Variants in INPP5A observed in about 807,000 individuals in gnomAD.
The protein encoded by INPP5A is 43 kDa inositol polyphosphate 5-phophatase.
INPP5A carries 14 observed loss-of-function variants against 65.2 expected under a neutral mutation model. That is an observed-to-expected ratio of 0.21 (90% confidence interval 0.14 to 0.34). INPP5A has a LOEUF of 0.34. INPP5A is among the 10% of genes least tolerant of loss of function. The pLI, the probability that INPP5A is intolerant of heterozygous loss-of-function variation, is 1.00. For missense variants in INPP5A, 431 were observed against 545.6 expected (o/e 0.79, Z 2.09); for synonymous variants, 207 against 208.3 (o/e 0.99, Z 0.05).
intron 12 of INPP5A, among the ~76,000 whole-genome samples, chr10:132,769,827 T>A (rs968266311): frequency 4.2e-5 from 6 of 144,362 alleles, no homozygotes; most frequent in African/African-American, 1.5e-4. Context: ...CTGATACGTG[T>A]GGCTCCCGGT....
chr10:132,777,583 T>C, intron 12 of INPP5A, 88 bp from the exon 13 acceptor site: 1 of 1,154,932 alleles, frequency 8.7e-7, no homozygotes, highest in Non-Finnish European at 1.3e-6. Flanking sequence ...TTCTAAGGTG[T>C]ATTGGGAGAG....
In INPP5A at chr10:132,651,731, G is replaced by T. The variant is rs1332557644; in HGVS notation, c.306+1226G>T. 1.3e-5 allele frequency among the ~76,000 whole-genome samples: 2 copies of T among 152,326 alleles called. No individual in the cohort carries two copies. Among genetic ancestry groups the T allele is most frequent in the East Asian group, 3.9e-4 (2 of 5,184 alleles). On this transcript the variant is annotated intron_variant, in intron 4 of 15. Transcript: ENST00000368594. This position sits in a 1 kb window ranked among gnomAD's most constrained non-coding sequence, Gnocchi z 5.0. ...AGGTGGGACTCTCATTGCTGTTTGGGTTCAAGGGCCATCTCACTTGTTTGG... is the reference window on the plus strand; with the variant it reads ...AGGTGGGACTCTCATTGCTGTTTGGTTTCAAGGGCCATCTCACTTGTTTGG...
chr10:132,668,800 G>C (rs1407284751), intron 4 of INPP5A, among the ~76,000 whole-genome samples: 1 of 152,142 alleles, frequency 6.6e-6, no homozygotes, highest in African/African-American at 2.4e-5. Context: ...CCGTGCTCTG[G>C]GTTTGGTCCA....
chr10:132,763,971 G>A (rs764593123), intron 11 of INPP5A, among the ~76,000 whole-genome samples: 2 of 152,242 alleles, frequency 1.3e-5, no homozygotes, highest in Non-Finnish European at 2.9e-5. Flanking sequence ...TCCGTCTCCC[G>A]AGGCCTCCGC....
At chr10:132,557,208 T>C (rs1311896926) in intron 1 of INPP5A, among the ~76,000 whole-genome samples, 1 of 152,260 alleles carries the variant, frequency 6.6e-6, no homozygotes, top group East Asian at 1.9e-4. Context: ...TGTGACCGAC[T>C]GTCTCACATG....
At chr10:132,611,915 G>GTTA (rs1205342193) in intron 2 of INPP5A, among the ~76,000 whole-genome samples, 1 of 144,176 alleles carries the variant, frequency 6.9e-6, no homozygotes, top group Admixed American at 6.8e-5. Context: ...GGTGTGGGAG[G>GTTA]TGAGGGGGGC....
intron 8 of INPP5A, among the ~76,000 whole-genome samples, chr10:132,713,449 G>C (rs959939661): frequency 6.6e-6 from 1 of 152,106 alleles, no homozygotes; most frequent in African/African-American, 2.4e-5. Flanking sequence ...GATCCTCCCG[G>C]GTTCCCCACA....
intron 8 of INPP5A, among the ~76,000 whole-genome samples, chr10:132,715,838 C>T (rs549203121): frequency 3.9e-5 from 6 of 152,338 alleles, no homozygotes; most frequent in Non-Finnish European, 8.8e-5. Context: ...TTCTCAGACT[C>T]GGAGACCTCA....
At position 132,546,139 on chromosome 10, in the gene INPP5A, C is replaced by T. The variant is rs559552492; in HGVS notation, c.75+7968C>T. Among the ~76,000 whole-genome samples the T allele has an allele frequency of 7.2e-5, 11 of 152,308 alleles. No homozygotes were observed. The South Asian group carries it at 1.5e-3, about 20-fold the overall frequency. On this transcript the variant is annotated intron_variant, in intron 1 of 15. Coordinates refer to ENST00000368594, the MANE Select transcript of INPP5A (RefSeq NM_005539.5). This position sits in a 1 kb window ranked among gnomAD's most constrained non-coding sequence, Gnocchi z 5.7. ...CGCCATGTGCTCATGTGACCGAGGA[C>T]GCTTCCGAGGATGTGGAAGCCACCA...
chr10:132,566,577 C>T (rs1183118650), intron 1 of INPP5A, among the ~76,000 whole-genome samples: 1 of 152,106 alleles, frequency 6.6e-6, no homozygotes, highest in Non-Finnish European at 1.5e-5. Context: ...GATGTAATTC[C>T]CTGTTTTCAT....
At chr10:132,773,828 C>A (rs927506349) in intron 12 of INPP5A, among the ~76,000 whole-genome samples, 2 of 152,226 alleles carry the variant, frequency 1.3e-5, no homozygotes. Context: ...CAGTGGTGAT[C>A]TTGCCTCACT....
chr10:132,699,136 T>C (rs1845394627), intron 6 of INPP5A, among the ~76,000 whole-genome samples: 1 of 152,204 alleles, frequency 6.6e-6, no homozygotes, highest in South Asian at 2.1e-4. Context: ...GTTGCGTCCC[T>C]GGGTCATGAC....
chr10:132,576,305 C>T (rs1435941320), intron 1 of INPP5A, among the ~76,000 whole-genome samples: 1 of 152,232 alleles, frequency 6.6e-6, no homozygotes, highest in African/African-American at 2.4e-5. Context: ...CAGCACAGCT[C>T]CTGTCTGCAG....
At chr10:132,540,729 G>A (rs753454362) in intron 1 of INPP5A, among the ~76,000 whole-genome samples, 3 of 152,222 alleles carry the variant, frequency 2.0e-5, no homozygotes, top group Non-Finnish European at 2.9e-5. Flanking sequence ...TGTGCAGCCC[G>A]TCCCGTGCTG....
At chr10:132,632,091 G>T (rs75149975) in intron 2 of INPP5A, among the ~76,000 whole-genome samples, 2,300 of 152,326 alleles carry the variant, frequency 0.015, 33 homozygotes, top group South Asian at 0.039. Flanking sequence ...GGGGACACTC[G>T]GTCACATCTG....
chr10:132,615,991 C>T (rs915545749), intron 2 of INPP5A, among the ~76,000 whole-genome samples: 5 of 152,204 alleles, frequency 3.3e-5, no homozygotes, highest in African/African-American at 4.8e-5. Flanking sequence ...GAACAGGGGC[C>T]TCCCCTCTTA....
rs117371174 is a variant in INPP5A at position 132,615,933 on chromosome 10, C to T, written c.117+7977C>T. On this transcript the variant is annotated intron_variant, in intron 2 of 15. Transcript: ENST00000368594. ...GCTGAGCCTCTCAGCTGAGAGGCTGCGACCTTCATGGCCTGGTGGGCCTGG... is the reference window on the plus strand; with the variant it reads ...GCTGAGCCTCTCAGCTGAGAGGCTGTGACCTTCATGGCCTGGTGGGCCTGG... Among the ~76,000 whole-genome samples, 220 of 152,272 alleles carry T rather than the reference C, an allele frequency of 1.4e-3. 2 individuals carry two copies. The East Asian group carries it at 0.039, about 27-fold the overall frequency.
chr10:132,715,386 T>G (rs1180809463), intron 8 of INPP5A, among the ~76,000 whole-genome samples: 3 of 152,268 alleles, frequency 2.0e-5, no homozygotes, highest in Non-Finnish European at 4.4e-5. Context: ...GTTAATTTGA[T>G]CAACATTGGG....
intron 1 of INPP5A, among the ~76,000 whole-genome samples, chr10:132,573,960 T>G (rs60418419): frequency 8.1e-4 from 98 of 120,438 alleles, no homozygotes; most frequent in African/African-American, 1.5e-3. Flanking sequence ...GTGTGCCGTG[T>G]GAGGTTTTGT....
Sources: allele counts gnomAD v4.1 joint callset (sites outside exome capture counted in the v4.1 genomes callset), GRCh38; gene constraint gnomAD v4.1.1; non-coding constraint Gnocchi (gnomAD v3.1); transcripts MANE v1.5; gene names NCBI Gene and HGNC (gene_info 2026-07-23, HGNC 2026-07-21).